RIMS1: variants seen among roughly 807,000 people sequenced by gnomAD.
RIMS1 encodes regulating synaptic membrane exocytosis 1.
A neutral mutation model predicts 214.1 loss-of-function variants in RIMS1; 83 were observed. The observed-to-expected ratio is 0.39, with a 90% CI of 0.32 to 0.47. RIMS1 has a LOEUF of 0.47. RIMS1 is among the 20% of genes least tolerant of loss of function. RIMS1 has a pLI of 0.99. For synonymous variants in RIMS1, 793 were observed against 786.8 expected (o/e 1.01, Z -0.13); for missense variants, 2,050 against 2,161.8 (o/e 0.95, Z 1.03).
chr6:72,069,081 A>C (rs1237160919), intron 2 of RIMS1, among the ~76,000 whole-genome samples: 1 of 152,194 alleles, frequency 6.6e-6, no homozygotes, highest in Non-Finnish European at 1.5e-5. Flanking sequence ...CTGGATGTAC[A>C]GTGGAGGCTA....
intron 2 of RIMS1, among the ~76,000 whole-genome samples, chr6:72,064,501 G>T (rs1215122421): frequency 1.3e-5 from 2 of 152,138 alleles, no homozygotes; most frequent in Non-Finnish European, 2.9e-5. Flanking sequence ...AGGGAGGGAG[G>T]TAGGGAAGGA....
intron 2 of RIMS1, among the ~76,000 whole-genome samples, chr6:72,038,063 G>A (rs1201242446): frequency 7.5e-5 from 8 of 107,254 alleles, no homozygotes; most frequent in Admixed American, 1.3e-4. Context: ...AATCAGTTTT[G>A]ATTCAGTTCT....
At chr6:72,021,682 C>T (rs2151943281) in intron 2 of RIMS1, among the ~76,000 whole-genome samples, 1 of 152,222 alleles carries the variant, frequency 6.6e-6, no homozygotes, top group East Asian at 1.9e-4. Context: ...TCAGGTCTAA[C>T]AAGGTATAGT....
At chr6:72,268,714 A>T (rs2081680458) in intron 22 of RIMS1, among the ~76,000 whole-genome samples, 1 of 152,180 alleles carries the variant, frequency 6.6e-6, no homozygotes, top group Non-Finnish European at 1.5e-5. Flanking sequence ...TAATGCATGT[A>T]AAAAGCAGTT....
At chr6:72,122,326 T>C (rs1360041133) in intron 4 of RIMS1, among the ~76,000 whole-genome samples, 1 of 150,844 alleles carries the variant, frequency 6.6e-6, no homozygotes, top group Admixed American at 6.7e-5. Context: ...TGCCTCAGCC[T>C]TTTAAGTAGC....
chr6:72,105,445 A>T (rs1253113339), intron 4 of RIMS1, among the ~76,000 whole-genome samples: 46 of 152,186 alleles, frequency 3.0e-4, no homozygotes, highest in Admixed American at 3.0e-3. Flanking sequence ...TTCATCACTA[A>T]GCTTACTTTT....
intron 28 of RIMS1, among the ~76,000 whole-genome samples, chr6:72,324,197 T>C (rs1350879445): frequency 6.6e-6 from 1 of 151,876 alleles, no homozygotes; most frequent in African/African-American, 2.4e-5. Flanking sequence ...ATGAAGAACA[T>C]TGGAAAGAGT....
At chr6:72,234,619 T>G (rs1281572782) in intron 7 of RIMS1, among the ~76,000 whole-genome samples, 1 of 152,062 alleles carries the variant, frequency 6.6e-6, no homozygotes, top group Admixed American at 6.6e-5. Context: ...ATGTTATACA[T>G]TCTGTGGTTT....
chr6:72,093,323 C>T (rs1836865792), intron 2 of RIMS1, among the ~76,000 whole-genome samples: 1 of 150,530 alleles, frequency 6.6e-6, no homozygotes, highest in Non-Finnish European at 1.5e-5. Context: ...GTTTAATCTA[C>T]TGGATAGATA....
chr6:72,276,425 A>G (rs2086454279), intron 23 of RIMS1, among the ~76,000 whole-genome samples: 1 of 152,186 alleles, frequency 6.6e-6, no homozygotes, highest in Non-Finnish European at 1.5e-5. Flanking sequence ...CAGTTCTTAC[A>G]TACACGAGAT....
At chr6:72,270,682 T>C (rs901676344) in intron 22 of RIMS1, among the ~76,000 whole-genome samples, 1 of 152,184 alleles carries the variant, frequency 6.6e-6, no homozygotes, top group African/African-American at 2.4e-5. Context: ...AAACTTCTGC[T>C]ACAGGGTCAG....
intron 4 of RIMS1, among the ~76,000 whole-genome samples, chr6:72,137,409 G>T (rs142864686): frequency 0.011 from 1,696 of 151,886 alleles, 10 homozygotes; most frequent in Non-Finnish European, 0.017. Context: ...AATTAACATT[G>T]TATTATTAAT....
At chr6:71,988,350 T>C (rs571570750) in intron 2 of RIMS1, among the ~76,000 whole-genome samples, 1 of 152,228 alleles carries the variant, frequency 6.6e-6, no homozygotes, top group South Asian at 2.1e-4. Context: ...TTCTTTTCAT[T>C]CAAAATTCCA....
At chr6:71,940,651 C>T (rs1785793005) in intron 1 of RIMS1, among the ~76,000 whole-genome samples, 1 of 152,018 alleles carries the variant, frequency 6.6e-6, no homozygotes, top group Non-Finnish European at 1.5e-5. Context: ...AAACAAAATG[C>T]AGAAGGATTT....
At chr6:72,213,207 C>G in intron 6 of RIMS1, 2 of 1,536,148 alleles carry the variant, frequency 1.3e-6, no homozygotes, top group Non-Finnish European at 1.7e-6. Context: ...AATTGAAGCT[C>G]GACGAGCAGT....
chr6:72,279,120 T>G (rs2088537587), intron 23 of RIMS1, among the ~76,000 whole-genome samples: 1 of 152,018 alleles, frequency 6.6e-6, no homozygotes, highest in East Asian at 1.9e-4. Context: ...TTAATAAAAT[T>G]TTAATGCCTT....
At chr6:71,919,263 A>G (rs562816096) in intron 1 of RIMS1, among the ~76,000 whole-genome samples, 2 of 152,278 alleles carry the variant, frequency 1.3e-5, no homozygotes, top group Admixed American at 6.5e-5. Flanking sequence ...TGAAACTAAT[A>G]GAGATTCAGT....
At chr6:71,936,259 G>A (rs1353530310) in intron 1 of RIMS1, among the ~76,000 whole-genome samples, 5 of 148,324 alleles carry the variant, frequency 3.4e-5, no homozygotes, top group African/African-American at 7.4e-5. Context: ...CCCGGGAGGC[G>A]GAGCTTGCAG....
chr6:72,398,695 A>C (rs1460190341), intron 32 of RIMS1, among the ~76,000 whole-genome samples: 1 of 152,202 alleles, frequency 6.6e-6, no homozygotes, highest in Non-Finnish European at 1.5e-5. Flanking sequence ...TTTAAGATAT[A>C]AACCTGCATT....
Sources: gnomAD v4.1 joint callset for allele counts (sites outside exome capture counted in the v4.1 genomes callset) on GRCh38, gnomAD v4.1.1 for gene constraint, MANE v1.5 for transcripts, NCBI Gene and HGNC (gene_info 2026-07-23, HGNC 2026-07-21) for gene names.